EPHB1: variants seen among roughly 807,000 people sequenced by gnomAD.
The protein encoded by EPHB1 is ephrin type-B receptor 1.
Under a neutral mutation model 94.4 loss-of-function variants are expected in EPHB1, and 30 were observed. The ratio of observed to expected loss-of-function variants is 0.32; its 90% CI spans 0.24 to 0.43. The LOEUF (loss-of-function observed/expected upper bound fraction) is 0.43. Among genes scored for constraint, EPHB1 ranks in the 20% least tolerant of loss-of-function variants. The pLI is 1.00. For missense variants in EPHB1, 1,055 were observed against 1,308.3 expected (o/e 0.81, Z 2.99); for synonymous variants, 522 against 489.1 (o/e 1.07, Z -0.89).
intron 5 of EPHB1, 25 bp from the exon 6 acceptor site, chr3:135,154,127 A>C: frequency 6.2e-7 from 1 of 1,613,574 alleles, no homozygotes; most frequent in Non-Finnish European, 8.5e-7. Flanking sequence ...CTGTTCAGCT[A>C]CCCTGTTTCT....
chr3:134,816,431 C>G (rs1335014476), intron 1 of EPHB1, among the ~76,000 whole-genome samples: 3 of 152,000 alleles, frequency 2.0e-5, no homozygotes, highest in African/African-American at 7.3e-5. Flanking sequence ...TGGATTCAGA[C>G]AGGTCTGGAT....
intron 12 of EPHB1, among the ~76,000 whole-genome samples, chr3:135,223,614 AT>A (rs956199618): frequency 1.3e-5 from 2 of 152,148 alleles, no homozygotes; most frequent in Admixed American, 6.5e-5. Flanking sequence ...TCCATATTGC[AT>A]TTTATTTATT....
intron 1 of EPHB1, among the ~76,000 whole-genome samples, chr3:134,903,970 G>A (rs565782321): frequency 3.9e-5 from 6 of 152,156 alleles, no homozygotes; most frequent in Non-Finnish European, 8.8e-5. Context: ...TTCATTGATT[G>A]TGCAGCGGCA....
chr3:134,960,135 T>G, intron 3 of EPHB1, among the ~76,000 whole-genome samples: 1 of 152,054 alleles, frequency 6.6e-6, no homozygotes. Context: ...ATCTGAGTTC[T>G]GTTTCCACTG....
chr3:134,908,951 C>T (rs1416872137), intron 1 of EPHB1, among the ~76,000 whole-genome samples: 2 of 147,466 alleles, frequency 1.4e-5, no homozygotes, highest in East Asian at 3.9e-4. Flanking sequence ...CCATGGGGCT[C>T]CTCAGACAGT....
At chr3:134,795,837 T>C in intron 1 of EPHB1, 148 bp downstream of exon 1, 1 of 958,002 alleles carries the variant, frequency 1.0e-6, no homozygotes. Context: ...CCTCGGCCGC[T>C]GCCGAGCGCG....
At chr3:135,077,308 C>T (rs900209983) in intron 3 of EPHB1, among the ~76,000 whole-genome samples, 1 of 152,156 alleles carries the variant, frequency 6.6e-6, no homozygotes, top group Non-Finnish European at 1.5e-5. Flanking sequence ...CATCAGCTTA[C>T]AATATCCTGC....
intron 12 of EPHB1, among the ~76,000 whole-genome samples, chr3:135,213,120 C>G (rs979328548): frequency 1.3e-5 from 2 of 152,242 alleles, no homozygotes; most frequent in Admixed American, 6.5e-5. Context: ...CAAACTTCAT[C>G]TCTCACTCTG....
At chr3:135,096,764 C>T (rs1176759616) in intron 3 of EPHB1, among the ~76,000 whole-genome samples, 1 of 152,170 alleles carries the variant, frequency 6.6e-6, no homozygotes, top group South Asian at 2.1e-4. Flanking sequence ...GCTCCACCCT[C>T]GTGACTTAAT....
intron 3 of EPHB1, among the ~76,000 whole-genome samples, chr3:135,054,371 T>TTATATATA (rs984826302): frequency 6.6e-6 from 1 of 151,638 alleles, no homozygotes; most frequent in South Asian, 2.1e-4. Flanking sequence ...AGCCAATTCT[T>TTATATATA]TATATATATA....
At chr3:135,068,279 T>C (rs1339336178) in intron 3 of EPHB1, among the ~76,000 whole-genome samples, 1 of 152,170 alleles carries the variant, frequency 6.6e-6, no homozygotes, top group South Asian at 2.1e-4. Context: ...GGCTATACCA[T>C]TTTACATTCC....
At chr3:134,901,768 A>G (rs1163825908) in intron 1 of EPHB1, among the ~76,000 whole-genome samples, 2 of 152,366 alleles carry the variant, frequency 1.3e-5, no homozygotes, top group East Asian at 3.9e-4. Context: ...GTGGGTGGCC[A>G]GGGAGAACTG....
chr3:134,914,280 G>A (rs1301520038), intron 1 of EPHB1, among the ~76,000 whole-genome samples: 1 of 152,194 alleles, frequency 6.6e-6, no homozygotes, highest in Non-Finnish European at 1.5e-5. Context: ...ACATAACAAT[G>A]ACTGCTCTTT....
chr3:135,167,452 A>G (rs1312289003), intron 9 of EPHB1, among the ~76,000 whole-genome samples: 1 of 152,230 alleles, frequency 6.6e-6, no homozygotes, highest in Non-Finnish European at 1.5e-5. Flanking sequence ...AAGATAGCAG[A>G]GCCCAAGAGG....
intron 3 of EPHB1, among the ~76,000 whole-genome samples, chr3:135,022,691 C>A (rs1691060927): frequency 6.6e-6 from 1 of 152,156 alleles, no homozygotes; most frequent in Admixed American, 6.5e-5. Flanking sequence ...CAGAAGACAA[C>A]ACTGTCTGTT....
intron 3 of EPHB1, among the ~76,000 whole-genome samples, chr3:134,966,202 A>G (rs1933739590): frequency 6.6e-6 from 1 of 152,198 alleles, no homozygotes; most frequent in Non-Finnish European, 1.5e-5. Context: ...AGCAGTTGCT[A>G]ATTAGAGCAA....
chr3:135,214,287 T>TGGTGGTTGCTGCCCC (rs1943094661), intron 12 of EPHB1, among the ~76,000 whole-genome samples: 2 of 152,282 alleles, frequency 1.3e-5, no homozygotes, highest in Admixed American at 1.3e-4. Flanking sequence ...CATGCTGCCC[T>TGGTGGTTGCTGCCCC]GGTGGTTGCT....
At chr3:135,182,520 A>T (rs1281780657) in intron 10 of EPHB1, among the ~76,000 whole-genome samples, 1 of 151,966 alleles carries the variant, frequency 6.6e-6, no homozygotes, top group Non-Finnish European at 1.5e-5. Flanking sequence ...AGTGGGAAAA[A>T]CTCAGGCCAG....
At chr3:135,037,320 T>C (rs2107763611) in intron 3 of EPHB1, among the ~76,000 whole-genome samples, 1 of 152,332 alleles carries the variant, frequency 6.6e-6, no homozygotes, top group South Asian at 2.1e-4. Context: ...GATAGAATGC[T>C]CCCTGGTCTT....
Sources: gnomAD v4.1 joint callset for allele counts (sites outside exome capture counted in the v4.1 genomes callset) on GRCh38, gnomAD v4.1.1 for gene constraint, MANE v1.5 for transcripts, NCBI Gene and HGNC (gene_info 2026-07-23, HGNC 2026-07-21) for gene names.